The following TBC1D1 variants were observed in gnomAD, a reference collection of about 807,000 sequenced individuals.
TBC1D1 encodes the protein TBC1 domain family member 1.
A neutral mutation model predicts 125.6 loss-of-function variants in TBC1D1; 89 were observed. The observed-to-expected ratio is 0.71, with a 90% confidence interval of 0.60 to 0.85. The LOEUF is 0.85. Ranked by LOEUF, TBC1D1 falls within the 40% of genes least tolerant of loss-of-function variation. TBC1D1 has a pLI of 0.00. For missense variants in TBC1D1, 1,377 were observed against 1,469.2 expected, an observed-to-expected ratio of 0.94 and a Z score of 1.03; for synonymous variants, 565 against 564.1, an observed-to-expected ratio of 1.00 and a Z score of -0.02.
At chr4:38,012,879 C>T (rs371418284) in intron 2 of TBC1D1, among the ~76,000 whole-genome samples, 11 of 152,160 alleles carry the variant, frequency 7.2e-5, no homozygotes, top group East Asian at 3.9e-4. Context: ...CTGCAACCTC[C>T]GCCTCCCAGG....
chr4:37,902,175 GCTCCCTGC>G lies in TBC1D1; in HGVS notation c.83_90del (p.Ser28CysfsTer16). ...GTGGATTTTGGCCTGCAGCTGGTGGGCTCCCTGCCTGTGCATTCCCTGACCACCATGCC... is the reference window on the plus strand; with the variant it reads ...GTGGATTTTGGCCTGCAGCTGGTGGGCTGTGCATTCCCTGACCACCATGCC... On this transcript the variant is annotated frameshift_variant, in exon 2 of 20. Coordinates refer to ENST00000261439, the MANE Select transcript of TBC1D1 (RefSeq NM_015173.4). LOFTEE classifies it high-confidence loss of function. 6.2e-7 allele frequency: 1 copy of G among 1,613,940 alleles called. No individual in the cohort carries two copies. The highest frequency in any genetic ancestry group is 8.5e-7 in the Non-Finnish European group (1 of 1,180,004).
intron 11 of TBC1D1, among the ~76,000 whole-genome samples, chr4:38,050,434 A>G (rs889396624): frequency 2.0e-5 from 3 of 152,208 alleles, no homozygotes; most frequent in African/African-American, 7.2e-5. Flanking sequence ...CTCTCACTGT[A>G]AGAATTCTAG....
In TBC1D1 at chr4:38,040,382, G is replaced by A. The variant is rs554792633; in HGVS notation, c.1414-3980G>A. ...TGGCTCACTGCAACCTCCGCCTCCC[G>A]GGTTCAAGCGATTCTCCTGCCTCAG... On this transcript the variant is annotated intron_variant, in intron 8 of 19. Coordinates refer to ENST00000261439, the MANE Select transcript of TBC1D1 (RefSeq NM_015173.4). Among the ~76,000 whole-genome samples the A allele has an allele frequency of 1.6e-3, 239 of 152,216 alleles. 1 individual carries two copies. Among genetic ancestry groups the A allele is most frequent in the African/African-American group, 5.1e-3 (213 of 41,546 alleles).
In TBC1D1 at chr4:38,118,101, G is replaced by A; in HGVS notation, c.2871G>A (p.Glu957=). Residue 957 remains glutamate, a synonymous_variant, in exon 17 of 20, where the codon GAG becomes GAA. Transcript: ENST00000261439. ...GAGACCTCTACAATCACCTGGAGGA[G>A]CACGAGATCGGCCCCAGCCTCTACG... is the stretch of plus-strand genomic sequence containing the variant. The A allele has an allele frequency of 6.2e-7, 1 of 1,614,202 alleles. No homozygotes were observed.
intron 12 of TBC1D1, among the ~76,000 whole-genome samples, chr4:38,068,000 G>A (rs1037097823): frequency 6.6e-6 from 1 of 152,146 alleles, no homozygotes; most frequent in African/African-American, 2.4e-5. Context: ...CTCGCCTGAC[G>A]AGAGGTCTGG....
At chr4:37,960,944 C>G in intron 2 of TBC1D1, 2 of 1,614,184 alleles carry the variant, frequency 1.2e-6, no homozygotes, top group Middle Eastern at 1.6e-4. Context: ...TGAAAATGCC[C>G]TCTCCACCAT....
intron 12 of TBC1D1, among the ~76,000 whole-genome samples, chr4:38,082,041 C>G (rs1335391554): frequency 6.6e-6 from 1 of 152,136 alleles, no homozygotes; most frequent in Non-Finnish European, 1.5e-5. Flanking sequence ...AGCACACTGC[C>G]CAGCACATAG....
chr4:37,958,807 A>G (rs1406518387), intron 2 of TBC1D1, among the ~76,000 whole-genome samples: 1 of 152,224 alleles, frequency 6.6e-6, no homozygotes, highest in Non-Finnish European at 1.5e-5. Flanking sequence ...GGTGGCCTGC[A>G]AACTTTATTG....
chr4:38,055,290 G>A (rs1027232308), intron 12 of TBC1D1, among the ~76,000 whole-genome samples: 20 of 152,290 alleles, frequency 1.3e-4, no homozygotes, highest in Admixed American at 5.2e-4. Context: ...TGTAACCAAA[G>A]CGTGGGCTTC....
At chr4:38,116,429 C>G (rs990299047) in intron 16 of TBC1D1, among the ~76,000 whole-genome samples, 1 of 152,238 alleles carries the variant, frequency 6.6e-6, no homozygotes, top group East Asian at 1.9e-4. Context: ...GTGTTCCCCA[C>G]TTCCACCTTG....
Position 38,049,894 on chromosome 4 carries a change from C to G in TBC1D1, c.1906C>G (p.Arg636Gly). The change falls in exon 11 of 20, where the codon CGA (arginine) becomes GGA (glycine). Residue 636 changes from arginine to glycine, a missense_variant. Physicochemically the swap from Arg to Gly is moderately radical, Grantham distance 125. Around this residue, in one of 3 missense-constraint regions of TBC1D1, gnomAD observed 822 missense variants for 824.6 expected, o/e 1.00. Coordinates refer to ENST00000261439, the MANE Select transcript of TBC1D1 (RefSeq NM_015173.4). ...AGTGAGCACAGAGACGCCTCATGAA[C>G]GAAAGTAAGATTTGTTTAAATTTGT... The G allele has an allele frequency of 6.2e-7, 1 of 1,606,404 alleles. No individual in the cohort carries two copies. The highest frequency in any genetic ancestry group is 8.5e-7 in the Non-Finnish European group (1 of 1,176,000).
At chr4:37,898,389 C>T (rs1715097616) in intron 1 of TBC1D1, among the ~76,000 whole-genome samples, 1 of 152,184 alleles carries the variant, frequency 6.6e-6, no homozygotes, top group African/African-American at 2.4e-5. Context: ...TGGTAGATGA[C>T]TCTCCATGGG....
intron 2 of TBC1D1, among the ~76,000 whole-genome samples, chr4:37,950,225 GCAAATAACTT>G (rs1183921175): frequency 2.0e-5 from 3 of 152,076 alleles, no homozygotes; most frequent in African/African-American, 7.2e-5. Flanking sequence ...ATGACCCTGG[GCAAATAACTT>G]CACCTCTTTG....
intron 1 of TBC1D1, among the ~76,000 whole-genome samples, chr4:37,892,935 C>A (rs557720623): frequency 6.6e-6 from 1 of 152,176 alleles, no homozygotes; most frequent in South Asian, 2.1e-4. Context: ...AGGAAGGCTG[C>A]AATGACAATG....
chr4:38,118,129 G>GC lies in TBC1D1; in HGVS notation c.2904dup (p.Trp969LeufsTer20). On this transcript the variant is annotated frameshift_variant, in exon 17 of 20. Coordinates refer to ENST00000261439, the MANE Select transcript of TBC1D1 (RefSeq NM_015173.4). LOFTEE classifies it high-confidence loss of function. ...CGAGATCGGCCCCAGCCTCTACGCT[G>GC]CCCCCTGGTTCCTCACCATGTTTGC... is the stretch of plus-strand genomic sequence containing the variant. 1.9e-6 allele frequency: 3 copies of GC among 1,614,156 alleles called. No homozygotes were observed. Among genetic ancestry groups the GC allele is most frequent in the Non-Finnish European group, 2.5e-6 (3 of 1,180,018 alleles).
At chr4:38,040,837 G>A (rs116166285) in intron 8 of TBC1D1, among the ~76,000 whole-genome samples, 2,037 of 152,274 alleles carry the variant, frequency 0.013, 44 homozygotes, top group African/African-American at 0.046. Flanking sequence ...CCTGTGGCGC[G>A]TAGCATTTAG....
chr4:38,102,951 T>A, intron 14 of TBC1D1, 48 bp from the exon 17 acceptor site: 2 of 1,555,210 alleles, frequency 1.3e-6, no homozygotes, highest in Non-Finnish European at 1.7e-6. Flanking sequence ...TATTATTAAG[T>A]TGTATTCTGT....
At chr4:38,017,429 C>T (rs1398488236) in intron 3 of TBC1D1, among the ~76,000 whole-genome samples, 1 of 152,228 alleles carries the variant, frequency 6.6e-6, no homozygotes, top group Non-Finnish European at 1.5e-5. Flanking sequence ...CCACTCTCTG[C>T]TGGCTGAAAT....
At chr4:38,007,956 G>A (rs1007538710) in intron 2 of TBC1D1, among the ~76,000 whole-genome samples, 11 of 152,214 alleles carry the variant, frequency 7.2e-5, no homozygotes, top group Non-Finnish European at 1.5e-4. Flanking sequence ...AACAGCCAGG[G>A]TAGGGCACTT....
Sources: gnomAD v4.1 joint callset for allele counts (sites outside exome capture counted in the v4.1 genomes callset) on GRCh38, gnomAD v4.1.1 for gene constraint, gnomAD v4.1.1 regional missense constraint, MANE v1.5 for transcripts, NCBI Gene and HGNC (gene_info 2026-07-23, HGNC 2026-07-21) for gene names.